The following NELL2 variants were observed in gnomAD, a reference collection of about 807,000 sequenced individuals.
The protein encoded by NELL2 is neural EGFL like 2.
A neutral mutation model predicts 109.6 loss-of-function variants in NELL2; 41 were observed. That is an observed-to-expected ratio of 0.37 (90% confidence interval 0.29 to 0.49). NELL2 has a LOEUF of 0.49. Among genes scored for constraint, NELL2 ranks in the 20% least tolerant of loss-of-function variants. The probability of loss-of-function intolerance (pLI) is 0.98; values close to 1 mark genes in which losing one functional copy is unlikely to be tolerated. For synonymous variants in NELL2, 355 were observed against 344.7 expected, an observed-to-expected ratio of 1.03 and a Z score of -0.33; for missense variants, 900 against 1,008.3, an observed-to-expected ratio of 0.89 and a Z score of 1.45.
intron 12 of NELL2, among the ~76,000 whole-genome samples, chr12:44,667,676 T>A (rs1265322825): frequency 2.0e-5 from 3 of 152,194 alleles, no homozygotes; most frequent in African/African-American, 7.2e-5. Flanking sequence ...CATGTCAAAT[T>A]GAGTTTCTAA....
intron 19 of NELL2, among the ~76,000 whole-genome samples, chr12:44,510,303 C>A (rs946156930): frequency 6.6e-6 from 1 of 152,164 alleles, no homozygotes; most frequent in African/African-American, 2.4e-5. Flanking sequence ...TTAATAGTCA[C>A]ACGTTTTAGA....
At chr12:44,644,633 T>TAC (rs1366237026) in intron 13 of NELL2, among the ~76,000 whole-genome samples, 43 of 129,126 alleles carry the variant, frequency 3.3e-4, no homozygotes, top group African/African-American at 3.3e-4. Flanking sequence ...TATACATACA[T>TAC]ATATATATAT....
intron 15 of NELL2, among the ~76,000 whole-genome samples, chr12:44,588,082 T>TTGCAGGGAGGC (rs1565976242): frequency 2.3e-4 from 35 of 151,302 alleles, no homozygotes; most frequent in East Asian, 5.9e-4. Context: ...ACCCGGGAGG[T>TTGCAGGGAGGC]GGAGGTTGCA....
At chr12:44,745,423 T>A (rs1195268687) in intron 9 of NELL2, among the ~76,000 whole-genome samples, 1 of 152,074 alleles carries the variant, frequency 6.6e-6, no homozygotes, top group Admixed American at 6.5e-5. Context: ...CCACTCCTAT[T>A]CAACATAGTG....
At chr12:44,722,225 G>A (rs908851621) in intron 9 of NELL2, among the ~76,000 whole-genome samples, 2 of 151,964 alleles carry the variant, frequency 1.3e-5, no homozygotes, top group African/African-American at 2.4e-5. Flanking sequence ...GCCCAGGTTG[G>A]AGTGCTGTGG....
intron 15 of NELL2, among the ~76,000 whole-genome samples, chr12:44,571,775 G>A (rs559057946): frequency 1.3e-5 from 2 of 152,300 alleles, no homozygotes; most frequent in African/African-American, 4.8e-5. Flanking sequence ...ATGACGATAA[G>A]ATAAATAAAC....
chr12:44,671,765 G>T (rs186059841), intron 12 of NELL2, among the ~76,000 whole-genome samples: 2 of 152,086 alleles, frequency 1.3e-5, no homozygotes, highest in East Asian at 3.9e-4. Flanking sequence ...AGACTGGATC[G>T]GGAATAAAAA....
At chr12:44,528,097 CAAAAAAAAAAAA>C (rs71093812) in intron 16 of NELL2, among the ~76,000 whole-genome samples, 15 of 21,988 alleles carry the variant, frequency 6.8e-4, no homozygotes, top group African/African-American at 1.1e-3. Flanking sequence ...GACTCCGTCT[CAAAAAAAAAAAA>C]AAAAAAAAAA....
intron 9 of NELL2, among the ~76,000 whole-genome samples, chr12:44,759,330 T>C (rs1169082378): frequency 6.6e-6 from 1 of 152,162 alleles, no homozygotes; most frequent in East Asian, 1.9e-4. Flanking sequence ...AGGAGGCCAA[T>C]AGAATGTGGT....
chr12:44,858,085 A>G (rs2658966), intron 2 of NELL2, among the ~76,000 whole-genome samples: 121,432 of 152,068 alleles, frequency 0.8, 48,935 homozygotes, highest in Middle Eastern at 0.94. Context: ...TTAAGATTTA[A>G]TGAATGTTTA....
chr12:44,846,101 A>C (rs1944360799), intron 2 of NELL2, among the ~76,000 whole-genome samples: 1 of 152,226 alleles, frequency 6.6e-6, no homozygotes, highest in South Asian at 2.1e-4. Context: ...ATTGGAGTAC[A>C]TCCCTTGAAG....
chr12:44,864,223 T>C (rs1042607889), intron 2 of NELL2, among the ~76,000 whole-genome samples: 3 of 152,178 alleles, frequency 2.0e-5, no homozygotes, highest in Admixed American at 6.5e-5. Context: ...TATCAATAGT[T>C]ACCCTGAAAG....
At chr12:44,614,704 T>C (rs1051997863) in intron 13 of NELL2, among the ~76,000 whole-genome samples, 1 of 152,058 alleles carries the variant, frequency 6.6e-6, no homozygotes, top group Non-Finnish European at 1.5e-5. Flanking sequence ...GTGTCATCAG[T>C]CATAATAACA....
At chr12:44,628,620 G>A (rs1216342443) in intron 13 of NELL2, among the ~76,000 whole-genome samples, 3 of 152,150 alleles carry the variant, frequency 2.0e-5, no homozygotes, top group Admixed American at 2.0e-4. Flanking sequence ...GGACCCCAGT[G>A]AGGCCCTATC....
intron 2 of NELL2, among the ~76,000 whole-genome samples, chr12:44,820,330 C>T (rs1943497059): frequency 6.6e-6 from 1 of 152,102 alleles, no homozygotes; most frequent in African/African-American, 2.4e-5. Flanking sequence ...GAATCTAGGC[C>T]GGGCGCAGTG....
intron 9 of NELL2, among the ~76,000 whole-genome samples, chr12:44,739,667 G>T (rs531476798): frequency 2.2e-4 from 33 of 152,204 alleles, no homozygotes; most frequent in Non-Finnish European, 4.4e-4. Flanking sequence ...AAGGTGAGTG[G>T]ATCACTTGAG....
chr12:44,752,707 T>C (rs1940706350), intron 9 of NELL2, among the ~76,000 whole-genome samples: 1 of 152,168 alleles, frequency 6.6e-6, no homozygotes, highest in African/African-American at 2.4e-5. Flanking sequence ...CTTCCTACCT[T>C]TAGACTGCAT....
intron 2 of NELL2, among the ~76,000 whole-genome samples, chr12:44,833,091 G>A (rs1011880851): frequency 4.6e-5 from 7 of 152,200 alleles, no homozygotes; most frequent in Admixed American, 1.3e-4. Context: ...TTTGGGGGTA[G>A]TTGTGAGTTG....
chr12:44,722,017 AAG>A (rs1205594942), intron 9 of NELL2, among the ~76,000 whole-genome samples: 2 of 151,984 alleles, frequency 1.3e-5, no homozygotes, highest in African/African-American at 4.8e-5. Context: ...AAGAGGAGGG[AAG>A]AGAGAGCAGA....
Sources: allele counts gnomAD v4.1 joint callset (sites outside exome capture counted in the v4.1 genomes callset), GRCh38; gene constraint gnomAD v4.1.1; transcripts MANE v1.5; gene names NCBI Gene and HGNC (gene_info 2026-07-23, HGNC 2026-07-21).